The following MGMT variants were observed in gnomAD, a reference collection of about 807,000 sequenced individuals.
The protein encoded by MGMT is methylated-DNA--protein-cysteine methyltransferase.
A neutral mutation model predicts 15.9 loss-of-function variants in MGMT; 14 were observed. The observed-to-expected ratio is 0.88, with a 90% CI of 0.58 to 1.37. The LOEUF is 1.37. Among genes scored for constraint, MGMT ranks in the 40% most tolerant of loss-of-function variants. The probability of loss-of-function intolerance (pLI) is 0.00; values close to 1 mark genes in which losing one functional copy is unlikely to be tolerated. For synonymous variants in MGMT, 130 were observed against 118.2 expected, an observed-to-expected ratio of 1.10 and a Z score of -0.65; for missense variants, 282 against 268.1, an observed-to-expected ratio of 1.05 and a Z score of -0.36.
At chr10:129,701,937 AT>A (rs1848104338) in intron 2 of MGMT, 1 of 152,230 alleles carries the variant, frequency 6.6e-6, no homozygotes, top group Non-Finnish European at 1.5e-5. Context: ...TTTCCCTGGA[AT>A]AGCTGCTGTG....
rs1847574411 is a variant in MGMT, at chr10:129,659,737, G to GA, written c.126-48153dup. Among the ~76,000 whole-genome samples the GA allele has an allele frequency of 6.6e-6, 1 of 152,138 alleles. No homozygotes were observed. Among genetic ancestry groups the GA allele is most frequent in the Non-Finnish European group, 1.5e-5 (1 of 68,038 alleles). On this transcript the variant is annotated intron_variant, in intron 2 of 4. Transcript: ENST00000651593. This position sits in a 1 kb window ranked among gnomAD's most constrained non-coding sequence, Gnocchi z 4.1. ...TTTTCTGGAACAGTATTAAACTTTA[G>GA]AAAAAGTGTTCTGACATTTATAGAC...
At chr10:129,576,239 G>A (rs1037495254) in intron 2 of MGMT, among the ~76,000 whole-genome samples, 1 of 152,160 alleles carries the variant, frequency 6.6e-6, no homozygotes, top group Non-Finnish European at 1.5e-5. Flanking sequence ...CCAAAAAAGA[G>A]AATTTTAGAC....
chr10:129,469,111 A>T (rs374463857), intron 1 of MGMT, among the ~76,000 whole-genome samples: 1 of 152,154 alleles, frequency 6.6e-6, no homozygotes, highest in East Asian at 1.9e-4. Context: ...AGGTGTCTCA[A>T]TCAGGGCCTC....
chr10:129,615,038 T>C (rs1422965212), intron 2 of MGMT, among the ~76,000 whole-genome samples: 1 of 152,154 alleles, frequency 6.6e-6, no homozygotes, highest in East Asian at 1.9e-4. Flanking sequence ...TGAGTAGGGA[T>C]TTGTGGAATT....
rs2308319 is a variant in MGMT, at chr10:129,766,862, C to T, written c.489C>T (p.Ala163=). Residue 163 remains alanine (A), a synonymous_variant, in exon 5 of 5, where the codon GCC becomes GCT. Transcript: ENST00000651593. Reference sequence around the variant, plus strand: ...TGGGCAACTACTCCGGAGGACTGGCCGTGAAGGAATGGCTTCTGGCCCATG... The same window carrying T: ...TGGGCAACTACTCCGGAGGACTGGCTGTGAAGGAATGGCTTCTGGCCCATG... ...GAVGNYSGGL[A]VKEWLLAHEG... The T allele has an allele frequency of 2.0e-5, 33 of 1,613,696 alleles. No homozygotes were observed. Among genetic ancestry groups the T allele is most frequent in the Non-Finnish European group, 2.6e-5 (31 of 1,180,046 alleles).
chr10:129,760,863 G>A (rs1848864409), intron 4 of MGMT, among the ~76,000 whole-genome samples: 1 of 152,132 alleles, frequency 6.6e-6, no homozygotes, highest in Non-Finnish European at 1.5e-5. Context: ...ACAGTGGCTG[G>A]TGGGCGCAAT....
At chr10:129,618,603 A>T (rs1321443496) in intron 2 of MGMT, among the ~76,000 whole-genome samples, 1 of 151,998 alleles carries the variant, frequency 6.6e-6, no homozygotes, top group Non-Finnish European at 1.5e-5. Flanking sequence ...CACAGTTTTG[A>T]GTCTTGATCT....
intron 2 of MGMT, among the ~76,000 whole-genome samples, chr10:129,691,466 C>T (rs1038780110): frequency 6.6e-6 from 1 of 152,214 alleles, no homozygotes; most frequent in Non-Finnish European, 1.5e-5. Flanking sequence ...GCAGGCATCG[C>T]GAGTAAGAAG....
intron 2 of MGMT, among the ~76,000 whole-genome samples, chr10:129,645,792 C>A (rs1847382090): frequency 6.6e-6 from 1 of 152,148 alleles, no homozygotes; most frequent in Non-Finnish European, 1.5e-5. Context: ...CTGGGGATGA[C>A]TTTATGGCGT....
intron 2 of MGMT, among the ~76,000 whole-genome samples, chr10:129,637,117 C>T (rs1025728143): frequency 6.6e-6 from 1 of 152,198 alleles, no homozygotes; most frequent in Admixed American, 6.5e-5. Flanking sequence ...TAACATAATG[C>T]GTATCTGAAA....
intron 1 of MGMT, among the ~76,000 whole-genome samples, chr10:129,501,159 C>T (rs765874880): frequency 3.3e-5 from 5 of 152,198 alleles, no homozygotes; most frequent in Admixed American, 3.3e-4. Flanking sequence ...GGCAGAGTTC[C>T]CTCAGTGAAC....
rs1564844772 is a variant in MGMT, at chr10:129,533,968, G to T, written c.-12-2273G>T. Among the ~76,000 whole-genome samples the T allele has an allele frequency of 6.6e-6, 1 of 152,172 alleles. No individual in the cohort carries two copies. Among genetic ancestry groups the T allele is most frequent in the Non-Finnish European group, 1.5e-5 (1 of 68,040 alleles). ...TACTCCAGGGGATAAGATCAGAGGTGAAGGGGGTTGGGCTAAAATGTTGAT... is the reference window on the plus strand; with the variant it reads ...TACTCCAGGGGATAAGATCAGAGGTTAAGGGGGTTGGGCTAAAATGTTGAT... On this transcript the variant is annotated intron_variant, in intron 1 of 4. Coordinates refer to ENST00000651593, the MANE Select transcript of MGMT (RefSeq NM_002412.5). The surrounding 1 kb of genome is among the most constrained non-coding windows in gnomAD (Gnocchi z 4.5).
intron 2 of MGMT, among the ~76,000 whole-genome samples, chr10:129,577,037 G>T (rs1413713607): frequency 6.6e-6 from 1 of 152,004 alleles, no homozygotes; most frequent in Non-Finnish European, 1.5e-5. Context: ...AATAAAAGAG[G>T]ATACAAACAA....
intron 2 of MGMT, among the ~76,000 whole-genome samples, chr10:129,540,856 G>C (rs1846035252): frequency 6.6e-6 from 1 of 152,174 alleles, no homozygotes; most frequent in South Asian, 2.1e-4. Flanking sequence ...AGTAGAATTG[G>C]GTGCTGCCTT....
intron 2 of MGMT, among the ~76,000 whole-genome samples, chr10:129,615,371 C>T (rs1847012900): frequency 6.6e-6 from 1 of 152,072 alleles, no homozygotes; most frequent in Admixed American, 6.5e-5. Context: ...TTTTCCTTCT[C>T]ACTGTGTTTT....
At chr10:129,510,181 G>A (rs1026372494) in intron 1 of MGMT, among the ~76,000 whole-genome samples, 1 of 151,874 alleles carries the variant, frequency 6.6e-6, no homozygotes, top group South Asian at 2.1e-4. Flanking sequence ...CATGGGATGC[G>A]CCACAGAGAT....
intron 4 of MGMT, among the ~76,000 whole-genome samples, chr10:129,762,903 G>A (rs538274550): frequency 2.3e-3 from 344 of 152,238 alleles, no homozygotes; most frequent in Non-Finnish European, 3.0e-3. Flanking sequence ...GCTTCTCGGT[G>A]TCACTTGTTC....
At chr10:129,544,496 C>A (rs980507542) in intron 2 of MGMT, among the ~76,000 whole-genome samples, 7 of 152,206 alleles carry the variant, frequency 4.6e-5, no homozygotes, top group Non-Finnish European at 8.8e-5. Context: ...GTCTAGGATT[C>A]ATAATCTTGC....
At chr10:129,574,658 G>A (rs1344883042) in intron 2 of MGMT, among the ~76,000 whole-genome samples, 3 of 152,128 alleles carry the variant, frequency 2.0e-5, no homozygotes, top group African/African-American at 4.8e-5. Context: ...TGTCCTGTAC[G>A]TCTAACTTCA....
Sources: gnomAD v4.1 joint callset for allele counts (sites outside exome capture counted in the v4.1 genomes callset) on GRCh38, gnomAD v4.1.1 for gene constraint, Gnocchi (gnomAD v3.1) non-coding constraint, MANE v1.5 for transcripts, NCBI Gene and HGNC (gene_info 2026-07-23, HGNC 2026-07-21) for gene names.